The following ANKDD1A variants were observed in gnomAD, a reference collection of about 807,000 sequenced individuals.
The protein encoded by ANKDD1A is ankyrin repeat and death domain containing 1A.
A neutral mutation model predicts 63.5 loss-of-function variants in ANKDD1A; 59 were observed. The ratio of observed to expected loss-of-function variants is 0.93; its 90% CI spans 0.75 to 1.15. The LOEUF (loss-of-function observed/expected upper bound fraction) is 1.15, where lower values mean the gene tolerates loss of function less well. Ranked by LOEUF, ANKDD1A falls within the 50% of genes most tolerant of loss-of-function variation. ANKDD1A has a pLI of 0.00. For synonymous variants in ANKDD1A, 266 were observed against 263.9 expected (o/e 1.01, Z -0.08); for missense variants, 632 against 656.4 (o/e 0.96, Z 0.41).
chr15:64,950,354 AAT>A (rs2085259821), intron 14 of ANKDD1A: 2 of 985,316 alleles, frequency 2.0e-6, no homozygotes, highest in Non-Finnish European at 2.4e-6. Flanking sequence ...AAACTGACTT[AAT>A]ATGAGTTGAA....
In ANKDD1A at chr15:64,915,780, C is replaced by A; in HGVS notation, c.35-17C>A. On this transcript the variant is annotated splice_polypyrimidine_tract_variant and intron_variant, in intron 1 of 14. Transcript: ENST00000319580. ...GGCATCCTCCCCCTCATCCTGCACC[C>A]CATTTTCTCCCCACAGTGCTTCCTC... The A allele has an allele frequency of 6.2e-7, 1 of 1,611,648 alleles. No individual in the cohort carries two copies. Among genetic ancestry groups the A allele is most frequent in the South Asian group, 1.1e-5 (1 of 90,960 alleles).
chr15:64,954,642 CCTT>C (rs370457177), intron 14 of ANKDD1A, among the ~76,000 whole-genome samples: 222 of 67,084 alleles, frequency 3.3e-3, no homozygotes, highest in Non-Finnish European at 7.8e-3. Flanking sequence ...TTTTCTTCTT[CCTT>C]CTTCTTCTCC....
In ANKDD1A at chr15:64,956,287, T is replaced by C. The variant is rs192846482; in HGVS notation, c.1484-816T>C. Among the ~76,000 whole-genome samples the C allele has an allele frequency of 3.7e-3, 567 of 151,438 alleles. 3 individuals carry two copies. The highest frequency in any genetic ancestry group is 5.2e-3 in the African/African-American group (216 of 41,328). On this transcript the variant is annotated intron_variant, in intron 14 of 14. Transcript: ENST00000319580. ...TAGCTTGGCCGGGCGCAGTGGCTCA[T>C]GCCTGTAATCCCAGCACTTTGGGAG...
chr15:64,922,179 T>A (rs2085012800), intron 4 of ANKDD1A, 160 bp downstream of exon 4: 1 of 611,702 alleles, frequency 1.6e-6, no homozygotes, highest in Admixed American at 3.0e-5. Context: ...CCCTTTACTA[T>A]TCGGTGAGTT....
chr15:64,930,860 C>A lies in ANKDD1A; in HGVS notation c.609C>A (p.Gly203=), dbSNP rs763512420. Reference sequence around the variant, plus strand: ...CCCTTCATCTGGCTGCTGGTCGGGGCCATATGGCTGTGCTGCAGCGACTTG... The same window carrying A: ...CCCTTCATCTGGCTGCTGGTCGGGGACATATGGCTGTGCTGCAGCGACTTG... The part of the protein sequence containing the change: ...NTALHLAAGR[G]HMAVLQRLVD... The change falls in exon 7 of 15, where the codon GGC becomes GGA. Residue 203 remains glycine, a synonymous_variant. Coordinates refer to ENST00000319580, the MANE Select transcript of ANKDD1A (RefSeq NM_182703.6). 1 of 1,613,128 alleles carries A rather than the reference C, an allele frequency of 6.2e-7. No individual in the cohort carries two copies. Among genetic ancestry groups the A allele is most frequent in the Admixed American group, 1.7e-5 (1 of 60,012 alleles).
intron 11 of ANKDD1A, 154 bp downstream of exon 11, chr15:64,943,736 C>A (rs2085203272): frequency 2.9e-6 from 2 of 682,826 alleles, no homozygotes; most frequent in Admixed American, 2.4e-5. Context: ...CTCCAGGAAG[C>A]CTTCCTGACC....
In ANKDD1A at chr15:64,915,987, G is replaced by C. The variant is rs2140363770; in HGVS notation, c.138+87G>C. Reference sequence around the variant, plus strand: ...CAGGGGGAATAGTTTATCTGAGCTAGAGGCAGGCACATTTGCATGTGTAAA... The same window carrying C: ...CAGGGGGAATAGTTTATCTGAGCTACAGGCAGGCACATTTGCATGTGTAAA... On this transcript the variant is annotated intron_variant, in intron 2 of 14. Transcript: ENST00000319580. 2.3e-6 allele frequency: 3 copies of C among 1,299,692 alleles called. No individual in the cohort carries two copies. The East Asian group carries it at 7.5e-5, about 32-fold the overall frequency. 80.5% of individuals were successfully genotyped at this position (1,299,692 alleles called of 1,614,324 possible).
intron 14 of ANKDD1A, among the ~76,000 whole-genome samples, chr15:64,953,920 CTTT>C (rs1184123042): frequency 2.7e-5 from 1 of 36,490 alleles, no homozygotes; most frequent in Non-Finnish European, 4.9e-5. Context: ...TCTTTCTTCT[CTTT>C]TTCTTTTTTC....
intron 14 of ANKDD1A, chr15:64,950,956 A>G (rs1246223746): frequency 7.9e-7 from 1 of 1,271,272 alleles, no homozygotes; most frequent in Non-Finnish European, 1.0e-6. Context: ...TTTAACAGAA[A>G]ATATCAGGAA....
At chr15:64,951,674 TTC>T (rs2085281972) in intron 14 of ANKDD1A, among the ~76,000 whole-genome samples, 3 of 23,724 alleles carry the variant, frequency 1.3e-4, no homozygotes, top group East Asian at 0.01. Context: ...TTTTCTTTCT[TTC>T]CTTCTTTCTT....
intron 8 of ANKDD1A, chr15:64,931,788 T>C (rs924267088): frequency 2.6e-5 from 16 of 613,262 alleles, no homozygotes; most frequent in South Asian, 1.5e-4. Context: ...GTTTCCCAAC[T>C]ATAAAGTGCA....
intron 14 of ANKDD1A, chr15:64,951,159 G>T: frequency 9.1e-7 from 1 of 1,095,894 alleles, no homozygotes; most frequent in Non-Finnish European, 1.1e-6. Flanking sequence ...GTCATGCAGA[G>T]CCCAGGAGGC....
chr15:64,943,265 T>G, intron 10 of ANKDD1A: 2 of 529,658 alleles, frequency 3.8e-6, no homozygotes, highest in Non-Finnish European at 3.4e-6. Flanking sequence ...TTTATCAGAG[T>G]TTATAGTACA....
Position 64,947,453 on chromosome 15 carries a change from A to G in ANKDD1A, c.1211A>G (p.His404Arg), listed in dbSNP as rs372480905. The G allele has an allele frequency of 2.5e-5, 41 of 1,614,024 alleles. No homozygotes were observed. The highest frequency in any genetic ancestry group is 1.0e-4 in the Admixed American group (6 of 59,992). The change falls in exon 13 of 15, where the codon CAT (histidine) becomes CGT (arginine). Residue 404 changes from histidine (H) to arginine (R), a missense_variant. His to Arg is a conservative substitution (Grantham distance 29). Coordinates refer to ENST00000319580, the MANE Select transcript of ANKDD1A (RefSeq NM_182703.6). ...SGKSLSFKQD[H>R]RQETQQLRSV... Reference sequence around the variant, plus strand: ...AAGAGCTTGTCCTTTAAGCAGGACCATCGGCAGGAAACACAGCAGCTCCGT... The same window carrying G: ...AAGAGCTTGTCCTTTAAGCAGGACCGTCGGCAGGAAACACAGCAGCTCCGT...
intron 14 of ANKDD1A, chr15:64,951,564 C>CTGCTTTTT (rs1595858394): frequency 8.2e-6 from 1 of 122,692 alleles, no homozygotes; most frequent in African/African-American, 3.1e-5. Context: ...CTTTCTTTTT[C>CTGCTTTTT]TTTTCTTTCT....
chr15:64,924,129 G>C (rs1472722043), intron 4 of ANKDD1A, among the ~76,000 whole-genome samples: 1 of 152,236 alleles, frequency 6.6e-6, no homozygotes, highest in Non-Finnish European at 1.5e-5. Context: ...CTGGGGGCTG[G>C]CTGGCCCTGG....
intron 4 of ANKDD1A, among the ~76,000 whole-genome samples, chr15:64,924,403 C>T (rs2085030814): frequency 6.6e-6 from 1 of 152,074 alleles, no homozygotes; most frequent in Admixed American, 6.5e-5. Flanking sequence ...AGAGTAGCAC[C>T]ACCCTGGGGT....
At chr15:64,950,711 G>C in intron 14 of ANKDD1A, 1 of 840,464 alleles carries the variant, frequency 1.2e-6, no homozygotes. Flanking sequence ...GCATATTATT[G>C]AGGGAAAAGA....
intron 12 of ANKDD1A, 150 bp from the exon 13 acceptor site, chr15:64,947,254 G>A (rs755368760): frequency 1.4e-6 from 1 of 704,928 alleles, no homozygotes; most frequent in Non-Finnish European, 2.3e-6. Context: ...GAAACCAGAA[G>A]AGAGGACATT....
Sources: gnomAD v4.1 joint callset for allele counts (sites outside exome capture counted in the v4.1 genomes callset) on GRCh38, gnomAD v4.1.1 for gene constraint, MANE v1.5 for transcripts, NCBI Gene and HGNC (gene_info 2026-07-23, HGNC 2026-07-21) for gene names.